Variants in PER2 observed in about 807,000 individuals in gnomAD.
The protein encoded by PER2 is period circadian protein homolog 2.
PER2 carries 66 observed loss-of-function variants against 121.0 expected under a neutral mutation model. The observed-to-expected ratio is 0.55, with a 90% CI of 0.45 to 0.67. PER2 has a LOEUF of 0.67. Among genes scored for constraint, PER2 ranks in the 30% least tolerant of loss-of-function variants. The pLI is 0.00. For synonymous variants in PER2, 684 were observed against 659.9 expected (o/e 1.04, Z -0.56); for missense variants, 1,521 against 1,635.0 (o/e 0.93, Z 1.20).
In PER2 at chr2:238,253,700, C is replaced by A; in HGVS notation, c.2323G>T (p.Ala775Ser). 1 of 1,598,702 alleles carries A rather than the reference C, an allele frequency of 6.3e-7. No individual in the cohort carries two copies. The highest frequency in any genetic ancestry group is 8.5e-7 in the Non-Finnish European group (1 of 1,170,746). The change falls in exon 19 of 23, where the codon GCC (alanine) becomes TCC (serine). Residue 775 changes from alanine to serine, a missense_variant and splice_region_variant. Transcript: ENST00000254657. The surrounding 1 kb of genome is among the most constrained non-coding windows in gnomAD (Gnocchi z 5.6). ...RSKGQPSERT[A>S]PGLRNTSGID... The stretch of plus-strand genomic sequence containing the variant: ...CCGGAAGTATTTCTTAGTCCAGGGG[C>A]AGCTAATGCAGAAAAACAAATACTC...
chr2:238,273,431 G>T (rs990080209), intron 4 of PER2, among the ~76,000 whole-genome samples: 1 of 151,852 alleles, frequency 6.6e-6, no homozygotes, highest in African/African-American at 2.4e-5. Context: ...TTTAAAAGTG[G>T]CAACTACATT....
At position 238,252,610 on chromosome 2, in the gene PER2, C is replaced by T. The variant is rs1467866504; in HGVS notation, c.3111+302G>A. ...ACCTGACTGTGCTTTATCTCTGAAG[C>T]GTCATTTAAAAAGTCGAAGCCCACA... On this transcript the variant is annotated intron_variant, in intron 19 of 22. Coordinates refer to ENST00000254657, the MANE Select transcript of PER2 (RefSeq NM_022817.3). This position sits in a 1 kb window ranked among gnomAD's most constrained non-coding sequence, Gnocchi z 4.2. 1.3e-5 allele frequency among the ~76,000 whole-genome samples: 2 copies of T among 152,192 alleles called. No homozygotes were observed. The highest frequency in any genetic ancestry group is 2.4e-5 in the African/African-American group (1 of 41,460).
chr2:238,246,544 G>C lies in PER2; in HGVS notation c.3619-20C>G, dbSNP rs1695456888. The C allele has an allele frequency of 6.6e-7, 1 of 1,526,674 alleles. No homozygotes were observed. Among genetic ancestry groups the C allele is most frequent in the African/African-American group, 1.4e-5 (1 of 73,432 alleles). The allele number at this position is 1,526,674 out of a possible 1,614,324, so 94.6% of individuals were successfully genotyped here. A position where few individuals can be genotyped will look rare whatever the true frequency, so the allele number is the denominator to read the frequency against. On this transcript the variant is annotated intron_variant, in intron 22 of 22. Transcript: ENST00000254657. ...ACATTCCTTAAAAGAAAAAAAAAGA[G>C]AAATCAGTAACAAACTTGAGATCTG...
intron 16 of PER2, among the ~76,000 whole-genome samples, chr2:238,257,392 C>T (rs939546914): frequency 6.6e-6 from 1 of 152,240 alleles, no homozygotes; most frequent in East Asian, 1.9e-4. Context: ...CTCTTGCCTG[C>T]AGCCAGGCAG....
At chr2:238,290,938 A>G (rs1403061350), upstream of PER2, among the ~76,000 whole-genome samples, 1 of 152,218 alleles carries the variant, frequency 6.6e-6, no homozygotes, top group Admixed American at 6.5e-5. Flanking sequence ...GGCCAAGTGC[A>G]TGGATGCCAT....
chr2:238,298,070 T>C, the PER2 span, among the ~76,000 whole-genome samples: 1 of 149,820 alleles, frequency 6.7e-6, no homozygotes, highest in Admixed American at 6.7e-5. Flanking sequence ...TCTCGCTCTG[T>C]CCCCCAGGCT....
intron 4 of PER2, among the ~76,000 whole-genome samples, chr2:238,273,955 C>T (rs1244125086): frequency 3.9e-5 from 6 of 152,198 alleles, no homozygotes; most frequent in South Asian, 2.1e-4. Context: ...CGTGAGCCAC[C>T]GCGCCCGGCC....
chr2:238,278,458 A>G (rs1696528161), intron 1 of PER2, among the ~76,000 whole-genome samples: 1 of 152,132 alleles, frequency 6.6e-6, no homozygotes, highest in Non-Finnish European at 1.5e-5. Flanking sequence ...TCTGCCATGG[A>G]TTAGGAAGAT....
At position 238,253,430 on chromosome 2, in the gene PER2, C is replaced by T. The variant is rs78793960; in HGVS notation, c.2593G>A (p.Val865Met). Residue 865 changes from valine to methionine, a missense_variant, in exon 19 of 23, where the codon GTG becomes ATG. Transcript: ENST00000254657. The surrounding 1 kb of genome is among the most constrained non-coding windows in gnomAD (Gnocchi z 5.6). ...SLPVFPAPGTVAAPPAPPHAS... is the reference protein window; with the variant it reads ...SLPVFPAPGTMAAPPAPPHAS... ...TGGGGAGGTGCCGGGGGTGCTGCCA[C>T]AGTCCCTGGCGCTGGAAACACGGGC... is the stretch of plus-strand genomic sequence containing the variant. 132 of 1,611,288 alleles carry T rather than the reference C, an allele frequency of 8.2e-5. No individual in the cohort carries two copies. The highest frequency in any genetic ancestry group is 7.2e-4 in the Admixed American group (43 of 59,964).
chr2:238,255,302 A>AT (rs1695726329), intron 18 of PER2: 1 of 379,502 alleles, frequency 2.6e-6, no homozygotes, highest in Non-Finnish European at 5.0e-6. Context: ...CATGCCCACT[A>AT]TCTTGAGGTT....
chr2:238,258,443 A>G lies in PER2; in HGVS notation c.1776-43T>C. On this transcript the variant is annotated intron_variant, in intron 15 of 22. Coordinates refer to ENST00000254657, the MANE Select transcript of PER2 (RefSeq NM_022817.3). ...ACCACTGGTGAGGCCACACAACATG[A>G]GAGGAGGGAAGGTGTGTGAGATGGT... 1.9e-6 allele frequency: 3 copies of G among 1,614,016 alleles called. No individual in the cohort carries two copies. In the East Asian group the frequency reaches 6.7e-5, roughly 36 times the overall value.
At chr2:238,276,032 G>A in intron 3 of PER2, 135 bp from the exon 4 acceptor site, 1 of 612,310 alleles carries the variant, frequency 1.6e-6, no homozygotes. Flanking sequence ...GTGGGGCTCT[G>A]TAGATTTTCT....
At chr2:238,270,952 G>C (rs1696264421) in intron 6 of PER2, among the ~76,000 whole-genome samples, 1 of 152,222 alleles carries the variant, frequency 6.6e-6, no homozygotes, top group South Asian at 2.1e-4. Context: ...AAGGTGGCAG[G>C]GGGACGCCTG....
At chr2:238,277,668 A>G (rs778231252) in intron 2 of PER2, 39 bp downstream of exon 2, 1 of 1,611,428 alleles carries the variant, frequency 6.2e-7, no homozygotes. Flanking sequence ...CTGAGAAAAC[A>G]ACCTGCCCAG....
upstream of PER2, among the ~76,000 whole-genome samples, chr2:238,293,790 C>G (rs1697001340): frequency 6.6e-6 from 1 of 151,738 alleles, no homozygotes; most frequent in African/African-American, 2.4e-5. Context: ...AAGGATTTCA[C>G]TGAGACGAAA....
intron 1 of PER2, among the ~76,000 whole-genome samples, chr2:238,282,526 A>G (rs1696660668): frequency 6.6e-6 from 1 of 152,276 alleles, no homozygotes; most frequent in South Asian, 2.1e-4. Flanking sequence ...AAAAGGATAG[A>G]GGCCAGAAAG....
At chr2:238,266,811 G>A (rs995191307) in intron 8 of PER2, among the ~76,000 whole-genome samples, 1 of 151,676 alleles carries the variant, frequency 6.6e-6, no homozygotes, top group African/African-American at 2.4e-5. Flanking sequence ...GCCGAGACAG[G>A]TGGATTGTCT....
In PER2 at chr2:238,271,382, G is replaced by C. The variant is rs767318668; in HGVS notation, c.702C>G (p.His234Gln). Residue 234 changes from histidine (H) to glutamine (Q), a missense_variant, in exon 6 of 23, where the codon CAC becomes CAG. Transcript: ENST00000254657. ...TGAAACTGTGGAACACGCCCACATCGTGAGGCGCCAGGAACTCCACAAACT... is the reference window on the plus strand; with the variant it reads ...TGAAACTGTGGAACACGCCCACATCCTGAGGCGCCAGGAACTCCACAAACT... ...DAKFVEFLAP[H>Q]DVGVFHSFTS... is the part of the protein sequence containing the mutation. 1.9e-6 allele frequency: 3 copies of C among 1,614,156 alleles called. No homozygotes were observed. In the African/African-American group the frequency reaches 4.0e-5, roughly 22 times the overall value.
rs777369313 is a variant in PER2 at position 238,258,561 on chromosome 2, A to G, written c.1711T>C (p.Leu571=). 9.9e-6 allele frequency: 16 copies of G among 1,613,746 alleles called. No individual in the cohort carries two copies. The highest frequency in any genetic ancestry group is 2.2e-5 in the South Asian group (2 of 91,064). The part of the protein sequence containing the change: ...DSLGVSFPEE[L]ACKNQPTCSY... ...CAGGTGGGCTGGTTCTTGCAGGCCA[A>G]CTCCTCGGGGAAGCTGACCCCCAGG... Residue 571 remains leucine (L), a synonymous_variant, in exon 15 of 23, where the codon TTG becomes CTG. Coordinates refer to ENST00000254657, the MANE Select transcript of PER2 (RefSeq NM_022817.3).
Sources: allele counts gnomAD v4.1 joint callset (sites outside exome capture counted in the v4.1 genomes callset), GRCh38; gene constraint gnomAD v4.1.1; non-coding constraint Gnocchi (gnomAD v3.1); transcripts MANE v1.5; gene names NCBI Gene and HGNC (gene_info 2026-07-23, HGNC 2026-07-21).